Variants in GHR observed in about 807,000 individuals in gnomAD.
GHR encodes the protein growth hormone receptor.
A neutral mutation model predicts 67.1 loss-of-function variants in GHR; 35 were observed. The observed-to-expected ratio is 0.52, with a 90% confidence interval of 0.40 to 0.69. The LOEUF (loss-of-function observed/expected upper bound fraction) is 0.69, where lower values mean the gene tolerates loss of function less well. GHR is among the 30% of genes least tolerant of loss of function. GHR has a pLI of 0.00. For synonymous variants in GHR, 272 were observed against 269.1 expected (o/e 1.01, Z -0.10); for missense variants, 792 against 764.6 (o/e 1.04, Z -0.42).
intron 1 of GHR, among the ~76,000 whole-genome samples, chr5:42,563,760 A>G (rs1749764528): frequency 6.6e-6 from 1 of 152,002 alleles, no homozygotes; most frequent in Non-Finnish European, 1.5e-5. Context: ...GTGAGCTGAG[A>G]TCGTGCCACT....
intron 1 of GHR, among the ~76,000 whole-genome samples, chr5:42,477,797 G>A (rs1390516128): frequency 6.6e-6 from 1 of 152,176 alleles, no homozygotes; most frequent in Non-Finnish European, 1.5e-5. Context: ...TTTGTCAGAT[G>A]AGTACATTGC....
At chr5:42,530,618 A>AT (rs1023104886) in intron 1 of GHR, among the ~76,000 whole-genome samples, 19 of 150,870 alleles carry the variant, frequency 1.3e-4, no homozygotes, top group Non-Finnish European at 2.2e-4. Context: ...AACAAGCTTA[A>AT]TTTTTTTTTT....
At chr5:42,517,082 G>A (rs1402029198) in intron 1 of GHR, among the ~76,000 whole-genome samples, 1 of 152,132 alleles carries the variant, frequency 6.6e-6, no homozygotes, top group Non-Finnish European at 1.5e-5. Flanking sequence ...GAAGCTACTG[G>A]TTAAATCATT....
rs141886582 is a variant in GHR, at chr5:42,452,583, T to G, written c.-12+28628T>G. Among the ~76,000 whole-genome samples the G allele has an allele frequency of 1.6e-4, 24 of 152,280 alleles. No individual in the cohort carries two copies. The East Asian group carries it at 4.6e-3, about 29-fold the overall frequency. ...ATAGTCCCAAATTTCGTGGAAACTT[T>G]GTTCATTTTTAAAAATTCTTTTTTC... is the stretch of plus-strand genomic sequence containing the variant. On this transcript the variant is annotated intron_variant, in intron 1 of 9. Transcript: ENST00000230882.
intron 3 of GHR, among the ~76,000 whole-genome samples, chr5:42,654,432 C>T (rs886886695): frequency 1.2e-4 from 19 of 152,146 alleles, no homozygotes; most frequent in African/African-American, 3.9e-4. Context: ...TGTAATCTCT[C>T]CTTAAACTTA....
At chr5:42,616,920 A>G (rs752023694) in intron 2 of GHR, among the ~76,000 whole-genome samples, 12 of 152,068 alleles carry the variant, frequency 7.9e-5, no homozygotes, top group Non-Finnish European at 1.5e-4. Flanking sequence ...AGAAGGGACT[A>G]TTGAATTTGA....
intron 3 of GHR, among the ~76,000 whole-genome samples, chr5:42,686,841 G>A (rs943899209): frequency 6.6e-6 from 1 of 152,168 alleles, no homozygotes; most frequent in Admixed American, 6.5e-5. Flanking sequence ...AGTCAGGCAA[G>A]AGAAAGAAAT....
At chr5:42,502,451 CTG>C (rs1192227944) in intron 1 of GHR, among the ~76,000 whole-genome samples, 1 of 152,170 alleles carries the variant, frequency 6.6e-6, no homozygotes, top group African/African-American at 2.4e-5. Context: ...TAACACATGA[CTG>C]TGTAATATCA....
intron 1 of GHR, among the ~76,000 whole-genome samples, chr5:42,551,969 GA>G (rs1271076096): frequency 6.6e-6 from 1 of 152,198 alleles, no homozygotes; most frequent in Non-Finnish European, 1.5e-5. Flanking sequence ...TACAAGATGT[GA>G]AAACTGATTT....
chr5:42,561,292 T>G (rs560263881), intron 1 of GHR, among the ~76,000 whole-genome samples: 28 of 152,244 alleles, frequency 1.8e-4, no homozygotes, highest in Middle Eastern at 3.2e-3. Context: ...CACAGTTTCA[T>G]GTGTTTGTAC....
chr5:42,661,363 G>T (rs1309088924), intron 3 of GHR, among the ~76,000 whole-genome samples: 1 of 152,146 alleles, frequency 6.6e-6, no homozygotes. Context: ...AGAAAGGTCG[G>T]GTTACCCAGA....
At chr5:42,652,877 T>C (rs1755077635) in intron 3 of GHR, among the ~76,000 whole-genome samples, 1 of 152,002 alleles carries the variant, frequency 6.6e-6, no homozygotes, top group African/African-American at 2.4e-5. Flanking sequence ...TGCTCTGTAC[T>C]ACTGTGCTAC....
intron 3 of GHR, among the ~76,000 whole-genome samples, chr5:42,661,156 T>G (rs556788830): frequency 1.3e-5 from 2 of 152,234 alleles, no homozygotes; most frequent in South Asian, 2.1e-4. Context: ...ACGGGGAGAA[T>G]GGAACCAAGT....
At position 42,711,204 on chromosome 5, in the gene GHR, AAG is replaced by A. The variant is rs1276372163; in HGVS notation, c.619-1_619del. Reference sequence around the variant, plus strand: ...AATATGCGTTTATATTTTGTCTTGAAAGATGGACCCTATATTGACAACATCAG... The same window carrying A: ...AATATGCGTTTATATTTTGTCTTGAAATGGACCCTATATTGACAACATCAG... On this transcript the variant is annotated splice_acceptor_variant, in intron 6 of 9. Transcript: ENST00000230882. LOFTEE classifies it high-confidence loss of function. 4 of 1,611,728 alleles carry A rather than the reference AAG, an allele frequency of 2.5e-6. No homozygotes were observed. Among genetic ancestry groups the A allele is most frequent in the Non-Finnish European group, 3.4e-6 (4 of 1,177,890 alleles).
intron 2 of GHR, 107 bp downstream of exon 2, chr5:42,566,051 A>C: frequency 7.7e-7 from 1 of 1,306,756 alleles, no homozygotes; most frequent in Non-Finnish European, 1.1e-6. Context: ...TGCAAGTTTT[A>C]CATAGCAGCA....
At chr5:42,653,744 A>G (rs1428646791) in intron 3 of GHR, among the ~76,000 whole-genome samples, 1 of 152,104 alleles carries the variant, frequency 6.6e-6, no homozygotes, top group African/African-American at 2.4e-5. Context: ...CTAGGGGGAT[A>G]TTAAGCCTTC....
chr5:42,613,695 T>C (rs192088750), intron 2 of GHR, among the ~76,000 whole-genome samples: 1 of 152,196 alleles, frequency 6.6e-6, no homozygotes, highest in East Asian at 1.9e-4. Flanking sequence ...CATACCTAAA[T>C]GGCATGAAAT....
chr5:42,680,713 C>G (rs930653372), intron 3 of GHR, among the ~76,000 whole-genome samples: 4 of 152,056 alleles, frequency 2.6e-5, no homozygotes, highest in Admixed American at 1.3e-4. Flanking sequence ...CTATGTTGGA[C>G]AGGCTGGCCT....
At chr5:42,483,710 T>C (rs1331659063) in intron 1 of GHR, among the ~76,000 whole-genome samples, 2 of 152,130 alleles carry the variant, frequency 1.3e-5, no homozygotes, top group South Asian at 2.1e-4. Flanking sequence ...GAAAAACTTA[T>C]AAAGGGACCT....
Sources: gnomAD v4.1 joint callset for allele counts (sites outside exome capture counted in the v4.1 genomes callset) on GRCh38, gnomAD v4.1.1 for gene constraint, MANE v1.5 for transcripts, NCBI Gene and HGNC (gene_info 2026-07-23, HGNC 2026-07-21) for gene names.